Variants in GNL3L observed in about 807,000 individuals in gnomAD.
GNL3L encodes the protein guanine nucleotide-binding protein-like 3-like protein.
Under a neutral mutation model 42.9 loss-of-function variants are expected in GNL3L, and 4 were observed. That is an observed-to-expected ratio of 0.09 (90% confidence interval 0.05 to 0.21). The LOEUF (loss-of-function observed/expected upper bound fraction) is 0.21. GNL3L is among the 10% of genes least tolerant of loss of function. The pLI, the probability that GNL3L is intolerant of heterozygous loss-of-function variation, is 1.00. For synonymous variants in GNL3L, 159 were observed against 176.3 expected (o/e 0.90, Z 0.78); for missense variants, 412 against 481.7 (o/e 0.86, Z 1.36).
chrX:54,547,964 A>G (rs990367572), intron 8 of GNL3L, among the ~76,000 whole-genome samples: 2 of 111,844 alleles, frequency 1.8e-5, no homozygotes, highest in South Asian at 3.7e-4. Flanking sequence ...AACCTGGCCT[A>G]TTTAGAGCCA....
chrX:54,607,026 T>C (rs1384802170), intron 16 of GNL3L, among the ~76,000 whole-genome samples: 32 of 65,953 alleles, frequency 4.9e-4, no homozygotes, highest in African/African-American at 3.1e-3. Flanking sequence ...CTTTCTTTCT[T>C]TCTTTCTTTC....
chrX:54,548,037 G>A (rs933901713), intron 8 of GNL3L, among the ~76,000 whole-genome samples, 192 bp from the exon 9 acceptor site: 1 of 111,920 alleles, frequency 8.9e-6, no homozygotes, highest in South Asian at 3.7e-4. Context: ...CGCAGGGGCA[G>A]AGGAGACTGG....
At chrX:54,624,603 AT>A (rs767239200), downstream of GNL3L, among the ~76,000 whole-genome samples, 1 of 105,202 alleles carries the variant, frequency 9.5e-6, no homozygotes, top group African/African-American at 3.5e-5. Context: ...ACACCTGGCT[AT>A]TTTTTTTTGT....
In GNL3L at chrX:54,548,377, A is replaced by C; in HGVS notation, c.775+4A>C. 1 of 1,196,771 alleles carries C rather than the reference A, an allele frequency of 8.4e-7. No homozygotes were observed. Among genetic ancestry groups the C allele is most frequent in the Non-Finnish European group, 1.1e-6 (1 of 883,600 alleles). ...CACATTCGTGTGGGTGTTGTGGGTA[A>C]GACCTGCTGTGTGGTCATGGGGCTC... On this transcript the variant is annotated splice_donor_region_variant and intron_variant, in intron 9 of 15. Transcript: ENST00000360845.
intron 16 of GNL3L, among the ~76,000 whole-genome samples, chrX:54,575,120 C>G (rs1194924884): frequency 3.6e-5 from 4 of 111,444 alleles, no homozygotes; most frequent in African/African-American, 9.8e-5. Context: ...TTGTAGATTC[C>G]TGCTCTAATT....
intron 13 of GNL3L, among the ~76,000 whole-genome samples, chrX:54,553,148 A>C (rs1223755981): frequency 1.8e-5 from 2 of 112,339 alleles, no homozygotes; most frequent in Non-Finnish European, 3.8e-5. Context: ...GGCATATAGT[A>C]AATAGATGCT....
chrX:54,569,965 A>C (rs1925520445), downstream of GNL3L, among the ~76,000 whole-genome samples: 1 of 111,757 alleles, frequency 8.9e-6, no homozygotes, highest in Admixed American at 9.6e-5. Flanking sequence ...AACTTGTTTC[A>C]TGGCCCAGAA....
chrX:54,568,855 CA>C (rs1925504628), downstream of GNL3L, among the ~76,000 whole-genome samples: 1 of 112,221 alleles, frequency 8.9e-6, no homozygotes, highest in Non-Finnish European at 1.9e-5. Context: ...GCCTGGCCAA[CA>C]ATGTAGTATT....
chrX:54,580,643 A>G (rs1180562704), intron 16 of GNL3L, among the ~76,000 whole-genome samples: 1 of 111,582 alleles, frequency 9.0e-6, no homozygotes, highest in Non-Finnish European at 1.9e-5. Flanking sequence ...CTACTTCTCC[A>G]CATCCTCTCC....
At position 54,584,820 on chromosome X, in the gene GNL3L, C is replaced by T. The variant is rs746119939; in HGVS notation, c.*45+24173C>T. On this transcript the variant is annotated intron_variant, in intron 16 of 16. Coordinates refer to the GNL3L transcript ENST00000674498. ...TTTTCTTTTGTTTTAAAATTTGAGA[C>T]GGAGTCTCAGGCTGGAGTGCAGTGG... Among the ~76,000 whole-genome samples, 6 of 112,564 alleles carry T rather than the reference C, an allele frequency of 5.3e-5. No homozygotes were observed. In the South Asian group the frequency reaches 1.1e-3, roughly 21 times the overall value.
chrX:54,603,478 C>T (rs930367483), intron 16 of GNL3L, among the ~76,000 whole-genome samples: 1 of 111,733 alleles, frequency 8.9e-6, no homozygotes, highest in African/African-American at 3.2e-5. Flanking sequence ...TATCTTTCCA[C>T]AAACTAATTA....
intron 16 of GNL3L, among the ~76,000 whole-genome samples, chrX:54,578,136 A>G (rs930797790): frequency 1.8e-5 from 2 of 112,081 alleles, no homozygotes; most frequent in Non-Finnish European, 3.8e-5. Flanking sequence ...ATCTATTAGA[A>G]CAAATAGAAA....
chrX:54,579,986 G>GTTTTTTTTTT lies in GNL3L; in HGVS notation c.*45+19357_*45+19366dup, dbSNP rs869217575. Among the ~76,000 whole-genome samples the GTTTTTTTTTT allele has an allele frequency of 4.7e-3, 222 of 47,627 alleles. 15 individuals carry two copies. The highest frequency in any genetic ancestry group is 0.02 in the African/African-American group (205 of 10,166). 41.4% of individuals were successfully genotyped at this position (47,627 alleles called of 115,157 possible). A position where few individuals can be genotyped will look rare whatever the true frequency, so the allele number is the denominator to read the frequency against. On this transcript the variant is annotated intron_variant, in intron 16 of 16. Transcript: ENST00000674498. ...AGCCACTGTGCCTGGCCTAAAGTTTGTTTTTTTTTTTTTTTTTTTTTTTTT... is the reference window on the plus strand; with the variant it reads ...AGCCACTGTGCCTGGCCTAAAGTTTGTTTTTTTTTTTTTTTTTTTTTTTTTTTTTTTTTTT...
At chrX:54,592,193 C>A (rs767211476) in intron 16 of GNL3L, among the ~76,000 whole-genome samples, 6 of 112,025 alleles carry the variant, frequency 5.4e-5, no homozygotes, top group Non-Finnish European at 1.1e-4. Context: ...TTTACCAGTT[C>A]TAATAGAGTT....
In GNL3L at chrX:54,564,600, G is replaced by C. The variant is rs1298836072; in HGVS notation, c.*3998G>C. 9.4e-6 allele frequency among the ~76,000 whole-genome samples: 1 copy of C among 106,872 alleles called. No individual in the cohort carries two copies. The highest frequency in any genetic ancestry group is 3.4e-5 in the African/African-American group (1 of 29,279). The allele number at this position is 106,872 out of a possible 115,157, so 92.8% of individuals were successfully genotyped here. A position where few individuals can be genotyped will look rare whatever the true frequency, so the allele number is the denominator to read the frequency against. ...TTTTTGTATTTTTAGTAGAGATGGG[G>C]TTTCACTGTTTTGGCCAGGCTGGTC... On this transcript the variant is annotated 3_prime_UTR_variant, in exon 16 of 16. Coordinates refer to ENST00000360845, the MANE Select transcript of GNL3L (RefSeq NM_001184819.2).
Position 54,539,134 on chromosome X carries a change from A to C in GNL3L, c.81+33A>C, listed in dbSNP as rs756268008. On this transcript the variant is annotated intron_variant, in intron 3 of 15. Coordinates refer to ENST00000360845, the MANE Select transcript of GNL3L (RefSeq NM_001184819.2). Reference sequence around the variant, plus strand: ...ATGCCTGTTGTTGAGGGTAAGGTCAAGAACAGGTTGCTTGTCCTGGGAGAG... The same window carrying C: ...ATGCCTGTTGTTGAGGGTAAGGTCACGAACAGGTTGCTTGTCCTGGGAGAG... 7.2e-6 allele frequency: 6 copies of C among 837,171 alleles called. No individual in the cohort carries two copies. The East Asian group carries it at 1.9e-4, about 27-fold the overall frequency. The allele number at this position is 837,171 out of a possible 1,213,427, so 69.0% of individuals were successfully genotyped here.
In GNL3L at chrX:54,605,196, A is replaced by G. The variant is rs191184496; in HGVS notation, c.*46-15649A>G. Among the ~76,000 whole-genome samples the G allele has an allele frequency of 2.8e-3, 310 of 112,033 alleles. 1 individual carries two copies. Among genetic ancestry groups the G allele is most frequent in the African/African-American group, 9.5e-3 (294 of 30,858 alleles). ...ATAAAACAGGAAACCATGAATTTCCATTTGCATACATAAATAAAGACACAG... is the reference window on the plus strand; with the variant it reads ...ATAAAACAGGAAACCATGAATTTCCGTTTGCATACATAAATAAAGACACAG... On this transcript the variant is annotated intron_variant, in intron 16 of 16. Coordinates refer to the GNL3L transcript ENST00000674498.
the GNL3L span, among the ~76,000 whole-genome samples, chrX:54,644,277 G>A: frequency 3.6e-5 from 4 of 111,935 alleles, no homozygotes; most frequent in African/African-American, 6.5e-5. Flanking sequence ...GCCAGCATCC[G>A]TTATTTTTTG....
At chrX:54,620,187 T>C (rs12011491) in intron 16 of GNL3L, among the ~76,000 whole-genome samples, 41,201 of 109,992 alleles carry the variant, frequency 0.37, 8,677 homozygotes, top group African/African-American at 0.8. Context: ...AGACCATAGT[T>C]ACCCTGGTGT....
Sources: gnomAD v4.1 joint callset for allele counts (sites outside exome capture counted in the v4.1 genomes callset) on GRCh38, gnomAD v4.1.1 for gene constraint, MANE v1.5 for transcripts, NCBI Gene and HGNC (gene_info 2026-07-23, HGNC 2026-07-21) for gene names.